The following MAGI2 variants were observed in gnomAD, a reference collection of about 807,000 sequenced individuals.
MAGI2 encodes the protein membrane-associated guanylate kinase, WW and PDZ domain-containing protein 2.
In MAGI2, 35 loss-of-function variants were observed where a neutral mutation model predicts 133.3. The observed-to-expected ratio is 0.26, with a 90% confidence interval of 0.20 to 0.35. MAGI2 has a LOEUF of 0.35. Ranked by LOEUF, MAGI2 falls within the 10% of genes least tolerant of loss-of-function variation. The probability of loss-of-function intolerance (pLI) is 1.00; values close to 1 mark genes in which losing one functional copy is unlikely to be tolerated. For missense variants in MAGI2, 1,636 were observed against 1,863.4 expected (o/e 0.88, Z 2.25); for synonymous variants, 729 against 710.6 (o/e 1.03, Z -0.41).
At chr7:78,545,921 G>A (rs976533586) in intron 3 of MAGI2, among the ~76,000 whole-genome samples, 2 of 152,148 alleles carry the variant, frequency 1.3e-5, no homozygotes, top group Non-Finnish European at 2.9e-5. Flanking sequence ...CTGAAGTTCA[G>A]CTGTTCCTAG....
At chr7:78,339,944 T>C (rs1790179586) in intron 9 of MAGI2, among the ~76,000 whole-genome samples, 1 of 152,210 alleles carries the variant, frequency 6.6e-6, no homozygotes, top group East Asian at 1.9e-4. Context: ...AAGTTATTTA[T>C]ACAGAAACTA....
intron 9 of MAGI2, among the ~76,000 whole-genome samples, chr7:78,314,371 T>A (rs141068897): frequency 7.3e-4 from 111 of 152,256 alleles, no homozygotes; most frequent in African/African-American, 2.4e-3. Flanking sequence ...AAACAAATTA[T>A]ATTATGGGAT....
intron 2 of MAGI2, among the ~76,000 whole-genome samples, chr7:78,944,986 G>A (rs1801299616): frequency 2.0e-5 from 3 of 151,618 alleles, no homozygotes; most frequent in Non-Finnish European, 2.9e-5. Flanking sequence ...CGATCTGTCC[G>A]TCTTGGCTTC....
intron 2 of MAGI2, among the ~76,000 whole-genome samples, chr7:78,685,819 T>C (rs749569567): frequency 2.0e-5 from 3 of 151,964 alleles, no homozygotes; most frequent in Non-Finnish European, 4.4e-5. Context: ...TGTGGGCAAA[T>C]GTCATGATCA....
chr7:79,410,819 G>C (rs568223888), intron 1 of MAGI2: 1 of 151,948 alleles, frequency 6.6e-6, no homozygotes, highest in South Asian at 2.1e-4. Context: ...GTGTTGAAAG[G>C]AAAAAAATGG....
intron 1 of MAGI2, among the ~76,000 whole-genome samples, chr7:79,254,951 G>A (rs1306350180): frequency 6.6e-6 from 1 of 152,116 alleles, no homozygotes; most frequent in Non-Finnish European, 1.5e-5. Context: ...CTAGAACAAG[G>A]ATTCTCTCGC....
chr7:78,671,015 A>T (rs1814318209), intron 2 of MAGI2, among the ~76,000 whole-genome samples: 1 of 152,200 alleles, frequency 6.6e-6, no homozygotes, highest in Non-Finnish European at 1.5e-5. Context: ...ATACAATTTA[A>T]CATTGATCAA....
intron 1 of MAGI2, among the ~76,000 whole-genome samples, chr7:79,264,545 C>T (rs1834307203): frequency 6.6e-6 from 1 of 152,082 alleles, no homozygotes; most frequent in Admixed American, 6.6e-5. Flanking sequence ...AATTTTACAA[C>T]CCCTATATTA....
chr7:78,796,350 A>C (rs191261449), intron 2 of MAGI2, among the ~76,000 whole-genome samples: 1 of 152,258 alleles, frequency 6.6e-6, no homozygotes, highest in Non-Finnish European at 1.5e-5. Flanking sequence ...TTCTCAAAAG[A>C]GACATACAAA....
chr7:78,696,757 T>G (rs1228511718), intron 2 of MAGI2, among the ~76,000 whole-genome samples: 1 of 152,218 alleles, frequency 6.6e-6, no homozygotes, highest in Non-Finnish European at 1.5e-5. Flanking sequence ...CATGTCCACT[T>G]TAACAGGCAA....
chr7:78,541,991 G>T (rs1798447737), intron 3 of MAGI2, among the ~76,000 whole-genome samples: 1 of 152,124 alleles, frequency 6.6e-6, no homozygotes, highest in Non-Finnish European at 1.5e-5. Context: ...GGCATTTCAG[G>T]CCATACAGTC....
At chr7:78,509,009 G>A (rs1038766326) in intron 4 of MAGI2, among the ~76,000 whole-genome samples, 3 of 151,174 alleles carry the variant, frequency 2.0e-5, no homozygotes, top group African/African-American at 7.3e-5. Context: ...AGCTTCATAT[G>A]TAAAATATAA....
At chr7:78,516,066 A>T (rs192319637) in intron 4 of MAGI2, among the ~76,000 whole-genome samples, 1 of 152,210 alleles carries the variant, frequency 6.6e-6, no homozygotes, top group Non-Finnish European at 1.5e-5. Flanking sequence ...TTTACTTTTC[A>T]TTGTGAAAAG....
At chr7:79,277,569 T>C (rs989903944) in intron 1 of MAGI2, among the ~76,000 whole-genome samples, 3 of 152,140 alleles carry the variant, frequency 2.0e-5, no homozygotes, top group African/African-American at 4.8e-5. Flanking sequence ...CATGCTATAA[T>C]GATACAAGGA....
At chr7:79,141,027 C>G (rs1822078225) in intron 1 of MAGI2, among the ~76,000 whole-genome samples, 1 of 152,148 alleles carries the variant, frequency 6.6e-6, no homozygotes, top group Non-Finnish European at 1.5e-5. Context: ...AATGAATTGT[C>G]AAACTGTCTA....
At chr7:78,365,780 C>T (rs1793314334) in intron 7 of MAGI2, among the ~76,000 whole-genome samples, 2 of 152,196 alleles carry the variant, frequency 1.3e-5, no homozygotes, top group Non-Finnish European at 2.9e-5. Flanking sequence ...AAAGCCTGCT[C>T]AATCCAGGTT....
intron 7 of MAGI2, among the ~76,000 whole-genome samples, chr7:78,367,736 G>A (rs1273882300): frequency 6.6e-6 from 1 of 152,158 alleles, no homozygotes; most frequent in Non-Finnish European, 1.5e-5. Flanking sequence ...ATCGGATGTA[G>A]TAGGCTTAGA....
At chr7:78,767,843 TA>T (rs1464852395) in intron 2 of MAGI2, among the ~76,000 whole-genome samples, 5 of 152,226 alleles carry the variant, frequency 3.3e-5, no homozygotes, top group African/African-American at 1.2e-4. Context: ...AATACAGGAA[TA>T]CAGACACTTA....
chr7:78,193,381 C>A (rs1331357684), intron 12 of MAGI2, among the ~76,000 whole-genome samples: 1 of 152,130 alleles, frequency 6.6e-6, no homozygotes, highest in Non-Finnish European at 1.5e-5. Flanking sequence ...GAACTGTTAA[C>A]TTTATCTTAC....
Sources: allele counts gnomAD v4.1 joint callset (sites outside exome capture counted in the v4.1 genomes callset), GRCh38; gene constraint gnomAD v4.1.1; transcripts MANE v1.5; gene names NCBI Gene and HGNC (gene_info 2026-07-23, HGNC 2026-07-21).